CNTN5: variants seen among roughly 807,000 people sequenced by gnomAD.
CNTN5 encodes the protein contactin 5.
Under a neutral mutation model 129.1 loss-of-function variants are expected in CNTN5, and 77 were observed. That is an observed-to-expected ratio of 0.60 (90% CI 0.50 to 0.72). The LOEUF is 0.72. Among genes scored for constraint, CNTN5 ranks in the 30% least tolerant of loss-of-function variants. The pLI, the probability that CNTN5 is intolerant of heterozygous loss-of-function variation, is 0.00. For missense variants in CNTN5, 1,478 were observed against 1,328.8 expected (o/e 1.11, Z -1.75); for synonymous variants, 509 against 465.6 (o/e 1.09, Z -1.20).
At chr11:99,346,725 G>A (rs1205590730) in intron 2 of CNTN5, among the ~76,000 whole-genome samples, 1 of 152,194 alleles carries the variant, frequency 6.6e-6, no homozygotes, top group Non-Finnish European at 1.5e-5. Flanking sequence ...AGGTAAGGTA[G>A]GTTAGAATAG....
At chr11:99,141,758 A>C (rs1251961403) in intron 1 of CNTN5, among the ~76,000 whole-genome samples, 1 of 152,158 alleles carries the variant, frequency 6.6e-6, no homozygotes, top group East Asian at 1.9e-4. Context: ...TTTACCCAAT[A>C]GTCATCCAGG....
intron 1 of CNTN5, among the ~76,000 whole-genome samples, chr11:99,168,007 T>TTG (rs1860959484): frequency 1.3e-5 from 2 of 151,784 alleles, no homozygotes; most frequent in South Asian, 4.2e-4. Flanking sequence ...GTGATCTGGG[T>TTG]TCACTGCCTC....
intron 3 of CNTN5, among the ~76,000 whole-genome samples, chr11:99,653,190 T>C (rs1952223893): frequency 6.6e-6 from 1 of 152,018 alleles, no homozygotes; most frequent in Admixed American, 6.6e-5. Flanking sequence ...TTGTTCAAGT[T>C]ACTAAATGAG....
At position 100,065,027 on chromosome 11, in the gene CNTN5, C is replaced by T. The variant is rs549521895; in HGVS notation, c.1162+3634C>T. On this transcript the variant is annotated intron_variant, in intron 10 of 24. Transcript: ENST00000524871. ...CTAGTAACTTGTCACTCTATAAAGA[C>T]GGTCACTATGACCTCTAGACAGTTT... 1.1e-4 allele frequency among the ~76,000 whole-genome samples: 17 copies of T among 152,174 alleles called. No homozygotes were observed. The East Asian group carries it at 1.5e-3, about 14-fold the overall frequency.
rs1025229781 is a variant in CNTN5 at position 99,849,757 on chromosome 11, T to C, written c.577+4495T>C. 4.6e-5 allele frequency among the ~76,000 whole-genome samples: 7 copies of C among 152,170 alleles called. No individual in the cohort carries two copies. The East Asian group carries it at 9.6e-4, about 21-fold the overall frequency. On this transcript the variant is annotated intron_variant, in intron 6 of 24. Transcript: ENST00000524871. ...GTTTCAAATACATTAACTCATTTTATCCTCATAACCAACATACGATTTGTT... is the reference window on the plus strand; with the variant it reads ...GTTTCAAATACATTAACTCATTTTACCCTCATAACCAACATACGATTTGTT...
intron 1 of CNTN5, among the ~76,000 whole-genome samples, chr11:99,031,505 C>T (rs1303544614): frequency 6.6e-6 from 1 of 151,456 alleles, no homozygotes; most frequent in African/African-American, 2.4e-5. Context: ...GGGTCTGGAA[C>T]TATTGGATAG....
At chr11:99,880,635 T>C (rs1487379912) in intron 6 of CNTN5, among the ~76,000 whole-genome samples, 1 of 152,188 alleles carries the variant, frequency 6.6e-6, no homozygotes, top group African/African-American at 2.4e-5. Flanking sequence ...GTATAAAAAA[T>C]CTGTAGACAC....
intron 1 of CNTN5, among the ~76,000 whole-genome samples, chr11:99,262,861 A>G (rs1862706007): frequency 6.6e-6 from 1 of 152,168 alleles, no homozygotes; most frequent in African/African-American, 2.4e-5. Context: ...TTCTCCTGCA[A>G]CACCTAGCAC....
chr11:100,280,599 G>C (rs564828506), intron 18 of CNTN5, among the ~76,000 whole-genome samples: 1 of 152,084 alleles, frequency 6.6e-6, no homozygotes, highest in South Asian at 2.1e-4. Flanking sequence ...TTGCTTGTAG[G>C]AAACAGGTTA....
At chr11:99,764,605 G>T (rs1944692364) in intron 3 of CNTN5, among the ~76,000 whole-genome samples, 2 of 151,986 alleles carry the variant, frequency 1.3e-5, no homozygotes, top group African/African-American at 2.4e-5. Context: ...TAGTAGAGTT[G>T]GGGTTTCTTC....
At chr11:99,580,108 T>C (rs143716624) in intron 3 of CNTN5, among the ~76,000 whole-genome samples, 5,972 of 152,258 alleles carry the variant, frequency 0.039, 171 homozygotes, top group Middle Eastern at 0.11. Context: ...TTGTCTTTGG[T>C]TCTGTTTAGA....
intron 3 of CNTN5, among the ~76,000 whole-genome samples, chr11:99,662,968 T>C (rs1269079354): frequency 6.6e-6 from 1 of 152,164 alleles, no homozygotes; most frequent in Admixed American, 6.5e-5. Flanking sequence ...GAATATACAA[T>C]AGAACATTTA....
In CNTN5 at chr11:100,071,770, G is replaced by T. The variant is rs775343047; in HGVS notation, c.1365G>T (p.Met455Ile). ...IHNVNQSDAG[M>I]YQCLAENKYG... The stretch of plus-strand genomic sequence containing the variant: ...ATGTGAATCAATCAGATGCTGGAAT[G>T]TATCAGTGTTTGGCTGAAAATAAGT... The change falls in exon 12 of 25, where the codon ATG becomes ATT. Residue 455 changes from methionine (M) to isoleucine (I), a missense_variant. By Grantham distance (10) the Met-to-Ile change is conservative. Transcript: ENST00000524871. 2.4e-5 allele frequency: 38 copies of T among 1,604,990 alleles called. No homozygotes were observed. The highest frequency in any genetic ancestry group is 2.6e-5 in the Non-Finnish European group (31 of 1,175,038).
chr11:99,389,453 T>C (rs1941120334), intron 2 of CNTN5, among the ~76,000 whole-genome samples: 1 of 152,186 alleles, frequency 6.6e-6, no homozygotes, highest in Non-Finnish European at 1.5e-5. Flanking sequence ...ACATAATAGC[T>C]CAAAAGGAGC....
At chr11:100,303,873 A>T (rs1033606657) in intron 20 of CNTN5, among the ~76,000 whole-genome samples, 1 of 151,650 alleles carries the variant, frequency 6.6e-6, no homozygotes, top group Non-Finnish European at 1.5e-5. Flanking sequence ...TTTCCAGATG[A>T]TCTATTTGGA....
At chr11:99,764,650 A>T (rs756559110) in intron 3 of CNTN5, among the ~76,000 whole-genome samples, 3 of 152,182 alleles carry the variant, frequency 2.0e-5, no homozygotes, top group Non-Finnish European at 4.4e-5. Context: ...TCCCGATCTC[A>T]GGTGATCCGC....
intron 1 of CNTN5, among the ~76,000 whole-genome samples, chr11:99,191,425 A>G (rs1858637835): frequency 6.6e-6 from 1 of 151,772 alleles, no homozygotes; most frequent in African/African-American, 2.4e-5. Flanking sequence ...AGTAGGAAAG[A>G]TTAAGTGAAA....
chr11:100,063,761 C>T (rs1943581452), intron 10 of CNTN5, among the ~76,000 whole-genome samples: 2 of 151,364 alleles, frequency 1.3e-5, no homozygotes, highest in Non-Finnish European at 2.9e-5. Flanking sequence ...GCGTTGCACT[C>T]CTGTGGTCCC....
chr11:99,247,451 C>A (rs537849905), intron 1 of CNTN5, among the ~76,000 whole-genome samples: 19 of 150,044 alleles, frequency 1.3e-4, no homozygotes, highest in Non-Finnish European at 2.2e-4. Flanking sequence ...TGCTACATTT[C>A]TTTTATTATT....
Sources: allele counts gnomAD v4.1 joint callset (sites outside exome capture counted in the v4.1 genomes callset), GRCh38; gene constraint gnomAD v4.1.1; transcripts MANE v1.5; gene names NCBI Gene and HGNC (gene_info 2026-07-23, HGNC 2026-07-21).